CARMIL1: variants seen among roughly 807,000 people sequenced by gnomAD.
CARMIL1 encodes the protein F-actin-uncapping protein LRRC16A.
Under a neutral mutation model 177.1 loss-of-function variants are expected in CARMIL1, and 90 were observed. The ratio of observed to expected loss-of-function variants is 0.51; its 90% CI spans 0.43 to 0.61. CARMIL1 has a LOEUF of 0.61. Ranked by LOEUF, CARMIL1 falls within the 20% of genes least tolerant of loss-of-function variation. The pLI, the probability that CARMIL1 is intolerant of heterozygous loss-of-function variation, is 0.00. For synonymous variants in CARMIL1, 577 were observed against 606.2 expected, an observed-to-expected ratio of 0.95 and a Z score of 0.71; for missense variants, 1,380 against 1,667.0, an observed-to-expected ratio of 0.83 and a Z score of 3.00.
intron 36 of CARMIL1, among the ~76,000 whole-genome samples, chr6:25,615,250 T>C (rs1172860848): frequency 6.6e-6 from 1 of 152,230 alleles, no homozygotes; most frequent in Non-Finnish European, 1.5e-5. Flanking sequence ...ACAGCCTTAT[T>C]TTCCTAAAGT....
Position 25,554,160 on chromosome 6 carries a change from T to G in CARMIL1, c.2592+64T>G. 8.9e-7 allele frequency: 1 copy of G among 1,122,442 alleles called. No homozygotes were observed. The highest frequency in any genetic ancestry group is 1.9e-4 in the Middle Eastern group (1 of 5,150). The allele number at this position is 1,122,442 out of a possible 1,614,324, so 69.5% of individuals were successfully genotyped here. A position where few individuals can be genotyped will look rare whatever the true frequency, so the allele number is the denominator to read the frequency against. On this transcript the variant is annotated intron_variant, in intron 28 of 36. Transcript: ENST00000329474. The surrounding 1 kb of genome is among the most constrained non-coding windows in gnomAD (Gnocchi z 4.6). ...CAGCTCTGCTGTGATGCAGGATGACTTCCGGTGTGGGGATGTGATTTCTTT... is the reference window on the plus strand; with the variant it reads ...CAGCTCTGCTGTGATGCAGGATGACGTCCGGTGTGGGGATGTGATTTCTTT...
chr6:25,434,068 A>G (rs955143006), intron 4 of CARMIL1, among the ~76,000 whole-genome samples: 2 of 152,018 alleles, frequency 1.3e-5, no homozygotes, highest in Non-Finnish European at 2.9e-5. Flanking sequence ...ATTTTATGGG[A>G]ATTTTTTGGG....
At chr6:25,355,350 A>G (rs1173039929) in intron 2 of CARMIL1, among the ~76,000 whole-genome samples, 3 of 152,182 alleles carry the variant, frequency 2.0e-5, no homozygotes, top group Non-Finnish European at 2.9e-5. Context: ...AAGTGCCTCA[A>G]AACCCCTCAG....
chr6:25,561,607 C>G (rs945763853), intron 29 of CARMIL1, among the ~76,000 whole-genome samples: 5 of 152,088 alleles, frequency 3.3e-5, no homozygotes, highest in Non-Finnish European at 7.4e-5. Context: ...TTTTTAAATA[C>G]AGACTAAAAT....
Position 25,537,881 on chromosome 6 carries a change from A to G in CARMIL1, c.2094A>G (p.Val698=). The part of the protein sequence containing the change: ...QQMIDRICVK[V]QDHLNSLRNC... Reference sequence around the variant, plus strand: ...TGATTGACAGAATATGTGTGAAAGTACAAGATCATCTCAACTCCTTACGAA... The same window carrying G: ...TGATTGACAGAATATGTGTGAAAGTGCAAGATCATCTCAACTCCTTACGAA... Residue 698 remains valine, a synonymous_variant, in exon 25 of 37, where the codon GTA becomes GTG. Transcript: ENST00000329474. The G allele has an allele frequency of 6.2e-7, 1 of 1,610,786 alleles. No homozygotes were observed.
chr6:25,563,147 GC>G, intron 29 of CARMIL1: 1 of 791,596 alleles, frequency 1.3e-6, no homozygotes, highest in Non-Finnish European at 1.5e-6. Context: ...GTACAGTAGA[GC>G]CAATAGTAAG....
chr6:25,444,333 A>G (rs1237641548), intron 5 of CARMIL1, among the ~76,000 whole-genome samples: 1 of 151,890 alleles, frequency 6.6e-6, no homozygotes, highest in Non-Finnish European at 1.5e-5. Context: ...AAAAAAAAAG[A>G]AAAACAATCT....
At chr6:25,418,279 A>G (rs1256965112) in intron 2 of CARMIL1, among the ~76,000 whole-genome samples, 1 of 152,208 alleles carries the variant, frequency 6.6e-6, no homozygotes, top group East Asian at 1.9e-4. Flanking sequence ...CTTCCATCCC[A>G]AGCATGTGAA....
At chr6:25,479,194 C>A in intron 11 of CARMIL1, 1 of 519,018 alleles carries the variant, frequency 1.9e-6, no homozygotes, top group South Asian at 1.4e-5. Flanking sequence ...CCAGCCCTGT[C>A]CTCTACCACT....
rs369443890 is a variant in CARMIL1 at position 25,492,004 on chromosome 6, C to T, written c.1200C>T (p.Ser400=). ...CLQYLAVLNL[S]RTVFSHRKGK... is the part of the protein sequence containing the mutation. ...AATATTTAGCTGTGCTCAACCTCTCCAGAACTGTCTTCTCTCACCGGTATA... is the reference window on the plus strand; with the variant it reads ...AATATTTAGCTGTGCTCAACCTCTCTAGAACTGTCTTCTCTCACCGGTATA... Residue 400 remains serine, a synonymous_variant, in exon 15 of 37, where the codon TCC becomes TCT. Transcript: ENST00000329474. 2 of 1,613,460 alleles carry T rather than the reference C, an allele frequency of 1.2e-6. No individual in the cohort carries two copies. Among genetic ancestry groups the T allele is most frequent in the African/African-American group, 2.7e-5 (2 of 74,902 alleles).
At position 25,488,467 on chromosome 6, in the gene CARMIL1, T is replaced by G. The variant is rs1308197932; in HGVS notation, c.962-15T>G. 4 of 1,604,836 alleles carry G rather than the reference T, an allele frequency of 2.5e-6. No individual in the cohort carries two copies. The highest frequency in any genetic ancestry group is 3.4e-6 in the Non-Finnish European group (4 of 1,171,538). The stretch of plus-strand genomic sequence containing the variant: ...CTGGAGTGCAAACTGAGCCTGGATT[T>G]TCTTGATGTTGCAGGGGTGAACAGC... On this transcript the variant is annotated splice_polypyrimidine_tract_variant and intron_variant, in intron 12 of 36. Coordinates refer to ENST00000329474, the MANE Select transcript of CARMIL1 (RefSeq NM_017640.6).
At chr6:25,332,174 C>A (rs533763801) in intron 2 of CARMIL1, among the ~76,000 whole-genome samples, 33 of 152,048 alleles carry the variant, frequency 2.2e-4, no homozygotes, top group African/African-American at 7.7e-4. Context: ...TTGCCAGGAG[C>A]CTCAAATCTA....
intron 2 of CARMIL1, among the ~76,000 whole-genome samples, chr6:25,347,424 C>G (rs1787631302): frequency 6.6e-6 from 1 of 152,222 alleles, no homozygotes; most frequent in African/African-American, 2.4e-5. Flanking sequence ...GGCTTGTGCA[C>G]TCTGGTTTTT....
At chr6:25,613,183 G>C (rs951255225) in intron 36 of CARMIL1, among the ~76,000 whole-genome samples, 2 of 152,110 alleles carry the variant, frequency 1.3e-5, no homozygotes, top group African/African-American at 4.8e-5. Flanking sequence ...TATAATTGGG[G>C]TTAGGCTTCC....
In CARMIL1 at chr6:25,450,964, C is replaced by CT. The variant is rs1562155226; in HGVS notation, c.614+254dup. Among the ~76,000 whole-genome samples, 16 of 7,888 alleles carry CT rather than the reference C, an allele frequency of 2.0e-3. 1 individual carries two copies. Among genetic ancestry groups the CT allele is most frequent in the Non-Finnish European group, 2.9e-3 (10 of 3,460 alleles). 5.2% of individuals were successfully genotyped at this position (7,888 alleles called of 152,430 possible). A position where few individuals can be genotyped will look rare whatever the true frequency, so the allele number is the denominator to read the frequency against. ...CTCCTCTCCTCTCCTCTCCTCTCCT[C>CT]TCTTCTCTTCTCCTCTCCCCCTCCC... On this transcript the variant is annotated intron_variant, in intron 8 of 36. Coordinates refer to ENST00000329474, the MANE Select transcript of CARMIL1 (RefSeq NM_017640.6).
intron 2 of CARMIL1, among the ~76,000 whole-genome samples, chr6:25,306,627 C>A (rs1480700333): frequency 6.6e-6 from 1 of 152,124 alleles, no homozygotes; most frequent in Non-Finnish European, 1.5e-5. Context: ...AAGTTCATTC[C>A]TTTTTAATGC....
intron 2 of CARMIL1, among the ~76,000 whole-genome samples, chr6:25,322,353 C>A (rs1351776947): frequency 6.6e-6 from 1 of 151,872 alleles, no homozygotes; most frequent in Non-Finnish European, 1.5e-5. Context: ...AAACTCCTGA[C>A]CTCAAGTGAT....
At chr6:25,541,679 T>C (rs1244031732) in intron 26 of CARMIL1, among the ~76,000 whole-genome samples, 2 of 152,062 alleles carry the variant, frequency 1.3e-5, no homozygotes, top group Non-Finnish European at 2.9e-5. Context: ...TTTGAGATGG[T>C]GTGTAGCTCT....
At chr6:25,362,189 C>T (rs999850222) in intron 2 of CARMIL1, among the ~76,000 whole-genome samples, 5 of 152,222 alleles carry the variant, frequency 3.3e-5, no homozygotes, top group African/African-American at 9.6e-5. Context: ...AACCTAGGCA[C>T]CTGAAAGTTT....
Sources: allele counts gnomAD v4.1 joint callset (sites outside exome capture counted in the v4.1 genomes callset), GRCh38; gene constraint gnomAD v4.1.1; non-coding constraint Gnocchi (gnomAD v3.1); transcripts MANE v1.5; gene names NCBI Gene and HGNC (gene_info 2026-07-23, HGNC 2026-07-21).